GOLGA7B: variants seen among roughly 807,000 people sequenced by gnomAD.
The protein encoded by GOLGA7B is golgin A7 family member B, also known as golgin subfamily A member 7B.
Under a neutral mutation model 21.5 loss-of-function variants are expected in GOLGA7B, and 17 were observed. The observed-to-expected ratio is 0.79, with a 90% CI of 0.54 to 1.19. The LOEUF is 1.19. GOLGA7B is among the 50% of genes most tolerant of loss of function. The pLI is 0.00. For missense variants in GOLGA7B, 169 were observed against 224.4 expected (o/e 0.75, Z 1.58); for synonymous variants, 87 against 84.0 (o/e 1.04, Z -0.19).
At chr10:97,859,405 T>G (rs2049956490) in intron 1 of GOLGA7B, 53 bp from the exon 2 acceptor site, 1 of 1,586,828 alleles carries the variant, frequency 6.3e-7, no homozygotes. Context: ...GCATTTGGGA[T>G]ATGCCGAGAT....
Position 97,850,118 on chromosome 10 carries a change from C to T in GOLGA7B, c.-186C>T, listed in dbSNP as rs550774314. 835 of 189,936 alleles carry T rather than the reference C, an allele frequency of 4.4e-3. 6 individuals carry two copies. Among genetic ancestry groups the T allele is most frequent in the African/African-American group, 0.019 (796 of 41,970 alleles). The allele number at this position is 189,936 out of a possible 1,614,324, so 11.8% of individuals were successfully genotyped here. ...CAGCGGACAGCGCCGCGCCCCTTGC[C>T]TGGACCCAGCCGCCCGCCCGCCCCC... On this transcript the variant is annotated 5_prime_UTR_variant, in exon 1 of 5. Coordinates refer to ENST00000370602, the MANE Select transcript of GOLGA7B (RefSeq NM_001010917.3).
At position 97,865,825 on chromosome 10, in the gene GOLGA7B, G is replaced by T; in HGVS notation, c.*125G>T. On this transcript the variant is annotated 3_prime_UTR_variant, in exon 5 of 5. Transcript: ENST00000370602. Reference sequence around the variant, plus strand: ...TGGGCTCACCCTGCTGCCCGGGGTGGGAGGGAGGGTGACGGGCCTCATATT... The same window carrying T: ...TGGGCTCACCCTGCTGCCCGGGGTGTGAGGGAGGGTGACGGGCCTCATATT... The T allele has an allele frequency of 8.2e-7, 1 of 1,218,024 alleles. No homozygotes were observed. The highest frequency in any genetic ancestry group is 1.1e-6 in the Non-Finnish European group (1 of 906,322). The allele number at this position is 1,218,024 out of a possible 1,614,324, so 75.5% of individuals were successfully genotyped here. A position where few individuals can be genotyped will look rare whatever the true frequency, so the allele number is the denominator to read the frequency against.
rs1334431374 is a variant in GOLGA7B, at chr10:97,867,319, C to CTGG, written c.*1622_*1624dup. ...GGTGGGATGGGAGCAGCCCCTGGGG[C>CTGG]TGGTGTCCCGAAGATGAAATGAAGG... is the stretch of plus-strand genomic sequence containing the variant. On this transcript the variant is annotated 3_prime_UTR_variant, in exon 5 of 5. Transcript: ENST00000370602. 6.6e-6 allele frequency: 1 copy of CTGG among 152,198 alleles called. No individual in the cohort carries two copies. Among genetic ancestry groups the CTGG allele is most frequent in the Admixed American group, 6.5e-5 (1 of 15,280 alleles). 9.4% of individuals were successfully genotyped at this position (152,198 alleles called of 1,614,324 possible).
At chr10:97,852,706 G>T (rs2049911684) in intron 1 of GOLGA7B, among the ~76,000 whole-genome samples, 1 of 151,996 alleles carries the variant, frequency 6.6e-6, no homozygotes, top group Non-Finnish European at 1.5e-5. Flanking sequence ...GGGAGAGGAA[G>T]GGGGTGGGGA....
rs1377782949 is a variant in GOLGA7B, at chr10:97,867,957, G to C, written c.*2257G>C. On this transcript the variant is annotated 3_prime_UTR_variant, in exon 5 of 5. Transcript: ENST00000370602. The stretch of plus-strand genomic sequence containing the variant: ...GGGGCACTTGTAGCCTTGGGTGGGG[G>C]AACAGGTTGGACTGAAAGCGAGGCC... 1 of 152,234 alleles carries C rather than the reference G, an allele frequency of 6.6e-6. No individual in the cohort carries two copies. The highest frequency in any genetic ancestry group is 2.4e-5 in the African/African-American group (1 of 41,432). The allele number at this position is 152,234 out of a possible 1,614,324, so 9.4% of individuals were successfully genotyped here.
chr10:97,864,371 C>G (rs2049996012), intron 4 of GOLGA7B, 102 bp downstream of exon 4: 22 of 828,568 alleles, frequency 2.7e-5, no homozygotes, highest in Non-Finnish European at 3.9e-5. Flanking sequence ...GGCCTCCACT[C>G]AGGTTTTCCC....
chr10:97,867,933 G>A lies in GOLGA7B; in HGVS notation c.*2233G>A, dbSNP rs1211478254. On this transcript the variant is annotated 3_prime_UTR_variant, in exon 5 of 5. Transcript: ENST00000370602. ...CAGCATCTCTAATCTGGAATCTTTGGGGCACTTGTAGCCTTGGGTGGGGGA... is the reference window on the plus strand; with the variant it reads ...CAGCATCTCTAATCTGGAATCTTTGAGGCACTTGTAGCCTTGGGTGGGGGA... 6.6e-6 allele frequency: 1 copy of A among 152,238 alleles called. No individual in the cohort carries two copies. The allele number at this position is 152,238 out of a possible 1,614,324, so 9.4% of individuals were successfully genotyped here. A position where few individuals can be genotyped will look rare whatever the true frequency, so the allele number is the denominator to read the frequency against.
Position 97,865,741 on chromosome 10 carries a change from A to T in GOLGA7B, c.*41A>T. 1 of 1,455,614 alleles carries T rather than the reference A, an allele frequency of 6.9e-7. No homozygotes were observed. Among genetic ancestry groups the T allele is most frequent in the Non-Finnish European group, 9.2e-7 (1 of 1,083,756 alleles). 90.2% of individuals were successfully genotyped at this position (1,455,614 alleles called of 1,614,324 possible). On this transcript the variant is annotated 3_prime_UTR_variant, in exon 5 of 5. Transcript: ENST00000370602. ...TGTAGGGAGGTGTATGGCCGGAGTG[A>T]GGGCCTTGCAGACCTGCGGCGGCTG...
At chr10:97,853,454 A>G (rs1343218249) in intron 1 of GOLGA7B, among the ~76,000 whole-genome samples, 1 of 152,214 alleles carries the variant, frequency 6.6e-6, no homozygotes, top group African/African-American at 2.4e-5. Flanking sequence ...TGTCAGGTGA[A>G]CAGGAGCCAA....
chr10:97,857,926 A>T (rs1357838725), intron 1 of GOLGA7B, among the ~76,000 whole-genome samples: 1 of 152,070 alleles, frequency 6.6e-6, no homozygotes, highest in Non-Finnish European at 1.5e-5. Flanking sequence ...GTCATCCTAA[A>T]TCCTCCCCTT....
chr10:97,859,336 T>C (rs2049955914), intron 1 of GOLGA7B, 122 bp from the exon 2 acceptor site: 2 of 973,988 alleles, frequency 2.1e-6, no homozygotes, highest in East Asian at 2.6e-5. Context: ...AGCTTGTCTC[T>C]GCATGCTGGG....
chr10:97,852,534 A>C (rs564435280), intron 1 of GOLGA7B, among the ~76,000 whole-genome samples: 9 of 152,326 alleles, frequency 5.9e-5, no homozygotes, highest in Admixed American at 3.9e-4. Context: ...GGGGTGAGTC[A>C]TTCTCCCAAG....
chr10:97,854,848 C>CAGGCGGTGATTCA (rs2049925268), intron 1 of GOLGA7B, among the ~76,000 whole-genome samples: 1 of 152,166 alleles, frequency 6.6e-6, no homozygotes, highest in Non-Finnish European at 1.5e-5. Context: ...ACAGGTATTC[C>CAGGCGGTGATTCA]AGGCGGTGAT....
In GOLGA7B at chr10:97,864,034, C is replaced by T. The variant is rs138920879; in HGVS notation, c.243C>T (p.Cys81=). 452 of 1,614,174 alleles carry T rather than the reference C, an allele frequency of 2.8e-4. 2 individuals are homozygous for T. Among genetic ancestry groups the T allele is most frequent in the Admixed American group, 1.2e-4 (7 of 60,030 alleles). ...CCTACCTCGAGGGCTGCCTGGCCTGCGCCACGGCCTACTTCATCTTCCTCT... is the reference window on the plus strand; with the variant it reads ...CCTACCTCGAGGGCTGCCTGGCCTGTGCCACGGCCTACTTCATCTTCCTCT... ...GSSYLEGCLA[C]ATAYFIFLCM... Residue 81 remains cysteine, a synonymous_variant, in exon 3 of 5, where the codon TGC becomes TGT. Coordinates refer to ENST00000370602, the MANE Select transcript of GOLGA7B (RefSeq NM_001010917.3).
At chr10:97,856,425 G>A (rs2049935569) in intron 1 of GOLGA7B, among the ~76,000 whole-genome samples, 1 of 152,188 alleles carries the variant, frequency 6.6e-6, no homozygotes, top group Admixed American at 6.5e-5. Flanking sequence ...TATTTTGTAT[G>A]GCTGTGTAGT....
Position 97,871,513 on chromosome 10 carries a change from T to C in GOLGA7B, c.*5813T>C, listed in dbSNP as rs191278686. The C allele has an allele frequency of 3.3e-5, 5 of 152,378 alleles. No individual in the cohort carries two copies. In the East Asian group the frequency reaches 7.7e-4, roughly 23 times the overall value. 9.4% of individuals were successfully genotyped at this position (152,378 alleles called of 1,614,324 possible). A position where few individuals can be genotyped will look rare whatever the true frequency, so the allele number is the denominator to read the frequency against. On this transcript the variant is annotated 3_prime_UTR_variant, in exon 5 of 5. Coordinates refer to ENST00000370602, the MANE Select transcript of GOLGA7B (RefSeq NM_001010917.3). ...TTATAGCAGGCTTCAGATTCTGGCA[T>C]AGAATAAACAGATATTTATCCAAGG...
intron 1 of GOLGA7B, 41 bp from the exon 2 acceptor site, chr10:97,859,417 G>T: frequency 6.2e-7 from 1 of 1,605,514 alleles, no homozygotes; most frequent in South Asian, 1.1e-5. Flanking sequence ...TGCCGAGATG[G>T]ATGGTCACTC....
In GOLGA7B at chr10:97,865,817, C is replaced by CG; in HGVS notation, c.*117_*118insG. The CG allele has an allele frequency of 3.6e-6, 4 of 1,096,184 alleles. No homozygotes were observed. Among genetic ancestry groups the CG allele is most frequent in the Non-Finnish European group, 4.9e-6 (4 of 811,258 alleles). 67.9% of individuals were successfully genotyped at this position (1,096,184 alleles called of 1,614,324 possible). A position where few individuals can be genotyped will look rare whatever the true frequency, so the allele number is the denominator to read the frequency against. On this transcript the variant is annotated 3_prime_UTR_variant, in exon 5 of 5. Coordinates refer to ENST00000370602, the MANE Select transcript of GOLGA7B (RefSeq NM_001010917.3). ...TCATTCTTTGGGCTCACCCTGCTGCCCGGGGTGGGAGGGAGGGTGACGGGC... is the reference window on the plus strand; with the variant it reads ...TCATTCTTTGGGCTCACCCTGCTGCCGCGGGGTGGGAGGGAGGGTGACGGGC...
chr10:97,863,831 C>A, intron 2 of GOLGA7B, 99 bp from the exon 3 acceptor site: 2 of 1,293,188 alleles, frequency 1.5e-6, no homozygotes, highest in Non-Finnish European at 1.1e-6. Context: ...TGTCATCTTC[C>A]CCATCTACAT....
Sources: allele counts gnomAD v4.1 joint callset (sites outside exome capture counted in the v4.1 genomes callset), GRCh38; gene constraint gnomAD v4.1.1; transcripts MANE v1.5; gene names NCBI Gene and HGNC (gene_info 2026-07-23, HGNC 2026-07-21).